The following ZFPM2 variants were observed in gnomAD, a reference collection of about 807,000 sequenced individuals.
The protein encoded by ZFPM2 is zinc finger protein, FOG family member 2.
Under a neutral mutation model 98.6 loss-of-function variants are expected in ZFPM2, and 20 were observed. The observed-to-expected ratio is 0.20, with a 90% CI of 0.14 to 0.29. ZFPM2 has a LOEUF of 0.29. ZFPM2 is among the 10% of genes least tolerant of loss of function. ZFPM2 has a pLI of 1.00. For synonymous variants in ZFPM2, 518 were observed against 502.7 expected (o/e 1.03, Z -0.41); for missense variants, 1,310 against 1,388.6 (o/e 0.94, Z 0.90).
At chr8:105,592,865 A>G (rs987161883) in intron 4 of ZFPM2, among the ~76,000 whole-genome samples, 7 of 152,186 alleles carry the variant, frequency 4.6e-5, no homozygotes, top group African/African-American at 1.2e-4. Context: ...CAGTGATCCA[A>G]TTTGAAATGC....
At chr8:105,801,026 T>G in intron 7 of ZFPM2, 21 bp from the exon 8 acceptor site, 1 of 1,588,688 alleles carries the variant, frequency 6.3e-7, no homozygotes. Flanking sequence ...CTCATTGTTC[T>G]TATTTTGTAT....
chr8:105,667,119 G>T (rs1197273777), intron 5 of ZFPM2, among the ~76,000 whole-genome samples: 1 of 152,052 alleles, frequency 6.6e-6, no homozygotes, highest in African/African-American at 2.4e-5. Context: ...TATTTTCTCA[G>T]AAATAAATGA....
At chr8:105,582,879 C>A (rs1159701421) in intron 4 of ZFPM2, among the ~76,000 whole-genome samples, 1 of 152,186 alleles carries the variant, frequency 6.6e-6, no homozygotes, top group Non-Finnish European at 1.5e-5. Flanking sequence ...CAGGGGTGAG[C>A]CACCGTGCCC....
At chr8:105,336,293 C>G (rs542945426) in intron 1 of ZFPM2, among the ~76,000 whole-genome samples, 7 of 151,598 alleles carry the variant, frequency 4.6e-5, no homozygotes, top group Non-Finnish European at 1.0e-4. Flanking sequence ...GAGGATTCAA[C>G]GAGTTTACAC....
rs184074798 is a variant in ZFPM2, at chr8:105,769,347, A to T, written c.533-19371A>T. Among the ~76,000 whole-genome samples, 4 of 152,112 alleles carry T rather than the reference A, an allele frequency of 2.6e-5. No homozygotes were observed. In the East Asian group the frequency reaches 7.8e-4, roughly 29 times the overall value. ...GTATTTTATCCACCGTTTTCCTTTG[A>T]TTGACTCTGTGATCCTTGCAGGTCC... is the stretch of plus-strand genomic sequence containing the variant. On this transcript the variant is annotated intron_variant, in intron 5 of 7. Transcript: ENST00000407775.
At chr8:105,572,886 A>AT (rs1171315508) in intron 4 of ZFPM2, among the ~76,000 whole-genome samples, 2 of 152,062 alleles carry the variant, frequency 1.3e-5, no homozygotes, top group Non-Finnish European at 2.9e-5. Context: ...CTTCTGTGCC[A>AT]TTTTGTATCA....
intron 3 of ZFPM2, among the ~76,000 whole-genome samples, chr8:105,546,577 A>G (rs1381241105): frequency 6.7e-6 from 1 of 150,028 alleles, no homozygotes; most frequent in East Asian, 1.9e-4. Flanking sequence ...TCAAAAAAAA[A>G]AAAAAAACAA....
chr8:105,525,176 G>C (rs1439098577), intron 3 of ZFPM2, among the ~76,000 whole-genome samples: 1 of 152,044 alleles, frequency 6.6e-6, no homozygotes, highest in African/African-American at 2.4e-5. Context: ...CTAATATTTG[G>C]TTTTAGTTTT....
chr8:105,323,461 A>G (rs1448852314), intron 1 of ZFPM2, among the ~76,000 whole-genome samples: 2 of 151,904 alleles, frequency 1.3e-5, no homozygotes, highest in Non-Finnish European at 2.9e-5. Flanking sequence ...AACATTTCGG[A>G]AAACCTATTT....
intron 5 of ZFPM2, among the ~76,000 whole-genome samples, chr8:105,779,715 T>C (rs186013527): frequency 3.1e-4 from 47 of 152,336 alleles, no homozygotes; most frequent in Admixed American, 3.0e-3. Context: ...AATGATGGGA[T>C]CCTTTCCAAA....
chr8:105,478,729 A>G (rs1168018182), intron 3 of ZFPM2, among the ~76,000 whole-genome samples: 1 of 152,182 alleles, frequency 6.6e-6, no homozygotes, highest in Non-Finnish European at 1.5e-5. Flanking sequence ...CATTTTTCAT[A>G]AGCATCTTTT....
intron 4 of ZFPM2, among the ~76,000 whole-genome samples, chr8:105,578,759 A>C (rs540205713): frequency 4.0e-4 from 61 of 152,290 alleles, no homozygotes; most frequent in Admixed American, 5.9e-4. Flanking sequence ...ACTTTTCACT[A>C]GAGTGGCTTA....
At chr8:105,616,420 A>G (rs1164142379) in intron 4 of ZFPM2, among the ~76,000 whole-genome samples, 1 of 152,126 alleles carries the variant, frequency 6.6e-6, no homozygotes, top group Non-Finnish European at 1.5e-5. Context: ...AAGTAAAAAG[A>G]TTAGTCAAAG....
rs762312762 is a variant in ZFPM2, at chr8:105,544,981, A to C, written c.302-16382A>C. The stretch of plus-strand genomic sequence containing the variant: ...TGGCTTTGAGAAGTCAAAAGGGTGG[A>C]TTAATAATTTACATTAAAAATGTTA... On this transcript the variant is annotated intron_variant, in intron 3 of 7. Transcript: ENST00000407775. 2.6e-5 allele frequency among the ~76,000 whole-genome samples: 4 copies of C among 152,274 alleles called. No individual in the cohort carries two copies. In the South Asian group the frequency reaches 8.3e-4, roughly 32 times the overall value.
At chr8:105,328,392 T>C (rs1160531864) in intron 1 of ZFPM2, among the ~76,000 whole-genome samples, 2 of 151,446 alleles carry the variant, frequency 1.3e-5, no homozygotes, top group African/African-American at 4.9e-5. Flanking sequence ...AATGCCAACA[T>C]AGAATGCTTA....
rs565482029 is a variant in ZFPM2, at chr8:105,753,465, C to T, written c.533-35253C>T. ...AGTTTTACTACAAATCTCTCTAATT[C>T]CTTTTGGAACTGAGATTACTACTAG... On this transcript the variant is annotated intron_variant, in intron 5 of 7. Transcript: ENST00000407775. 2.9e-4 allele frequency among the ~76,000 whole-genome samples: 44 copies of T among 152,146 alleles called. 1 individual carries two copies. Among genetic ancestry groups the T allele is most frequent in the Non-Finnish European group, 5.3e-4 (36 of 67,998 alleles).
At chr8:105,653,850 CTATCTTTT>C (rs1817229482) in intron 5 of ZFPM2, among the ~76,000 whole-genome samples, 2 of 74,290 alleles carry the variant, frequency 2.7e-5, no homozygotes, top group Non-Finnish European at 5.7e-5. Flanking sequence ...AGCTTGTGTG[CTATCTTTT>C]TTTTTTTTTT....
chr8:105,799,234 A>C (rs548634020), intron 7 of ZFPM2, among the ~76,000 whole-genome samples: 1 of 152,344 alleles, frequency 6.6e-6, no homozygotes, highest in African/African-American at 2.4e-5. Context: ...AGAAAATCTC[A>C]ATACCCTTTG....
At chr8:105,361,413 T>G (rs954833023) in intron 1 of ZFPM2, among the ~76,000 whole-genome samples, 6 of 149,948 alleles carry the variant, frequency 4.0e-5, no homozygotes, top group African/African-American at 1.2e-4. Flanking sequence ...TTTCTCCCAT[T>G]TTGTAGGTTG....
Sources: gnomAD v4.1 joint callset for allele counts (sites outside exome capture counted in the v4.1 genomes callset) on GRCh38, gnomAD v4.1.1 for gene constraint, MANE v1.5 for transcripts, NCBI Gene and HGNC (gene_info 2026-07-23, HGNC 2026-07-21) for gene names.